The following LRIF1 variants were observed in gnomAD, a reference collection of about 807,000 sequenced individuals.
LRIF1 encodes the protein ligand-dependent nuclear receptor-interacting factor 1.
In LRIF1, 32 loss-of-function variants were observed where a neutral mutation model predicts 52.7. That is an observed-to-expected ratio of 0.61 (90% CI 0.46 to 0.82). The LOEUF (loss-of-function observed/expected upper bound fraction) is 0.82, where lower values mean the gene tolerates loss of function less well. Ranked by LOEUF, LRIF1 falls within the 40% of genes least tolerant of loss-of-function variation. The pLI is 0.00. For synonymous variants in LRIF1, 323 were observed against 317.4 expected, an observed-to-expected ratio of 1.02 and a Z score of -0.19; for missense variants, 887 against 892.0, an observed-to-expected ratio of 0.99 and a Z score of 0.07.
chr1:110,930,961 T>G, the LRIF1 span, among the ~76,000 whole-genome samples: 10 of 152,032 alleles, frequency 6.6e-5, no homozygotes, highest in Non-Finnish European at 1.5e-5. Flanking sequence ...TCGTCCAGCC[T>G]GTGGTACCAT....
the LRIF1 span, chr1:110,936,960 T>C: frequency 6.6e-6 from 1 of 152,064 alleles, no homozygotes; most frequent in African/African-American, 2.4e-5. Flanking sequence ...CAAAATATAT[T>C]ACAAGACAAA....
the LRIF1 span, among the ~76,000 whole-genome samples, chr1:110,903,523 C>T: frequency 5.9e-5 from 9 of 152,262 alleles, no homozygotes; most frequent in East Asian, 1.2e-3. Flanking sequence ...AACCTCTGGG[C>T]CAGAAGGGAA....
At chr1:110,896,461 G>A in the LRIF1 span, among the ~76,000 whole-genome samples, 1 of 152,158 alleles carries the variant, frequency 6.6e-6, no homozygotes, top group African/African-American at 2.4e-5. Flanking sequence ...CTACTCCACA[G>A]GGATCTTATG....
the LRIF1 span, chr1:110,892,645 G>A: frequency 7.7e-6 from 7 of 906,786 alleles, no homozygotes; most frequent in Non-Finnish European, 8.7e-6. Context: ...ATAGGAAAAT[G>A]AGATTGGTAC....
At chr1:110,955,666 G>A (rs1658666045) in intron 1 of LRIF1, among the ~76,000 whole-genome samples, 1 of 152,174 alleles carries the variant, frequency 6.6e-6, no homozygotes. Context: ...AGTGTGGTAG[G>A]GGAAAGAAGT....
the LRIF1 span, among the ~76,000 whole-genome samples, chr1:110,879,146 G>A: frequency 6.6e-6 from 1 of 152,102 alleles, no homozygotes; most frequent in African/African-American, 2.4e-5. Context: ...TAGAAGCTAA[G>A]GGTTACCCTT....
intron 1 of LRIF1, among the ~76,000 whole-genome samples, chr1:110,959,667 T>C (rs1210605683): frequency 6.7e-6 from 1 of 148,624 alleles, no homozygotes; most frequent in Non-Finnish European, 1.5e-5. Context: ...GGAGAATCAC[T>C]TGAACCCAGG....
intron 1 of LRIF1, among the ~76,000 whole-genome samples, chr1:110,955,658 T>A (rs1171319740): frequency 2.0e-5 from 3 of 152,024 alleles, no homozygotes; most frequent in African/African-American, 4.8e-5. Context: ...ATAAGAGCAG[T>A]GTGGTAGGGG....
Position 110,949,867 on chromosome 1 carries a change from TC to T in LRIF1, c.1852del (p.Glu618LysfsTer24). The T allele has an allele frequency of 6.2e-7, 1 of 1,613,882 alleles. No individual in the cohort carries two copies. Among genetic ancestry groups the T allele is most frequent in the Non-Finnish European group, 8.5e-7 (1 of 1,179,850 alleles). On this transcript the variant is annotated frameshift_variant, in exon 3 of 4. Coordinates refer to ENST00000369763, the MANE Select transcript of LRIF1 (RefSeq NM_018372.4). LOFTEE classifies it low-confidence loss of function (END_TRUNC). ...ATTACCTACCTGTTTTCTCTCTCCT[TC>T]CTTCACCATAAACTCTGTCTCTTTG... ...TYKETEFMVK[E>X]GERKQQNFDK...
the LRIF1 span, among the ~76,000 whole-genome samples, chr1:110,907,666 A>G: frequency 6.6e-6 from 1 of 152,190 alleles, no homozygotes; most frequent in African/African-American, 2.4e-5. Context: ...TCCGGGATGC[A>G]GAGGTTGCAG....
At chr1:110,935,787 G>T in the LRIF1 span, among the ~76,000 whole-genome samples, 15 of 151,904 alleles carry the variant, frequency 9.9e-5, no homozygotes, top group East Asian at 2.7e-3. Context: ...CTATTCAAAG[G>T]GATAATAATA....
chr1:110,960,200 G>C (rs561712548), intron 1 of LRIF1, among the ~76,000 whole-genome samples: 2 of 152,214 alleles, frequency 1.3e-5, no homozygotes, highest in South Asian at 4.1e-4. Context: ...CCTTGAGAAA[G>C]CTTATCTACT....
the LRIF1 span, among the ~76,000 whole-genome samples, chr1:110,933,834 T>C: frequency 2.6e-5 from 4 of 152,132 alleles, no homozygotes; most frequent in African/African-American, 9.7e-5. Context: ...GGGGGACATG[T>C]GACCTATGGA....
chr1:110,900,545 T>G, the LRIF1 span, among the ~76,000 whole-genome samples: 384 of 152,174 alleles, frequency 2.5e-3, 1 homozygote, highest in African/African-American at 8.9e-3. Context: ...TTGTGTGTTT[T>G]TAGTAGAGAT....
At chr1:110,895,065 G>C in the LRIF1 span, 1 of 1,587,444 alleles carries the variant, frequency 6.3e-7, no homozygotes, top group Middle Eastern at 1.7e-4. Context: ...TGTGAGTACA[G>C]GTGGAATCCT....
the LRIF1 span, chr1:110,937,814 C>A: frequency 6.6e-6 from 1 of 151,726 alleles, no homozygotes; most frequent in South Asian, 2.1e-4. Flanking sequence ...AATTTACAAA[C>A]CTTTAGCCAG....
At chr1:110,882,558 T>C in the LRIF1 span, among the ~76,000 whole-genome samples, 1 of 152,066 alleles carries the variant, frequency 6.6e-6, no homozygotes, top group African/African-American at 2.4e-5. Flanking sequence ...TCTAAGTCTT[T>C]TGCATTCCCA....
the LRIF1 span, chr1:110,939,970 C>T: frequency 6.6e-6 from 1 of 152,030 alleles, no homozygotes; most frequent in African/African-American, 2.4e-5. Context: ...ACAACCAAAG[C>T]AAAAACGGAC....
In LRIF1 at chr1:110,951,337, G is replaced by A. The variant is rs768144996; in HGVS notation, c.1547C>T (p.Ala516Val). 2 of 1,614,066 alleles carry A rather than the reference G, an allele frequency of 1.2e-6. No individual in the cohort carries two copies. The highest frequency in any genetic ancestry group is 3.3e-5 in the Admixed American group (2 of 60,018). Residue 516 changes from alanine to valine, a missense_variant, in exon 2 of 4, where the codon GCA becomes GTA. Coordinates refer to ENST00000369763, the MANE Select transcript of LRIF1 (RefSeq NM_018372.4). ...SIEKISSSVD[A>V]TTVTSQQCVF... ...ACACTGTTGTGAAGTAACAGTTGTTGCATCAACAGAGGAACTTATTTTCTC... is the reference window on the plus strand; with the variant it reads ...ACACTGTTGTGAAGTAACAGTTGTTACATCAACAGAGGAACTTATTTTCTC...
Sources: allele counts gnomAD v4.1 joint callset (sites outside exome capture counted in the v4.1 genomes callset), GRCh38; gene constraint gnomAD v4.1.1; transcripts MANE v1.5; gene names NCBI Gene and HGNC (gene_info 2026-07-23, HGNC 2026-07-21).